BACH1: variants seen among roughly 807,000 people sequenced by gnomAD.
BACH1 encodes the protein BTB domain and CNC homolog 1.
In BACH1, 35 loss-of-function variants were observed where a neutral mutation model predicts 52.9. The ratio of observed to expected loss-of-function variants is 0.66; its 90% confidence interval spans 0.51 to 0.88. BACH1 has a LOEUF of 0.88. BACH1 is among the 40% of genes least tolerant of loss of function. BACH1 has a pLI of 0.00. For synonymous variants in BACH1, 321 were observed against 319.6 expected, an observed-to-expected ratio of 1.00 and a Z score of -0.05; for missense variants, 808 against 872.6, an observed-to-expected ratio of 0.93 and a Z score of 0.93.
intron 1 of BACH1, chr21:29,300,308 G>T (rs1297592576): frequency 6.6e-6 from 1 of 152,222 alleles, no homozygotes; most frequent in Non-Finnish European, 1.5e-5. Flanking sequence ...TCTCTAAAAA[G>T]TTGGGTTGCT....
chr21:29,304,114 C>T (rs1355893581), intron 1 of BACH1, among the ~76,000 whole-genome samples: 1 of 151,632 alleles, frequency 6.6e-6, no homozygotes, highest in African/African-American at 2.4e-5. Flanking sequence ...ACTAGTTATT[C>T]CCAGTTTTTT....
At chr21:29,311,682 A>G (rs1035960457) in intron 1 of BACH1, among the ~76,000 whole-genome samples, 3 of 152,032 alleles carry the variant, frequency 2.0e-5, no homozygotes, top group South Asian at 2.1e-4. Flanking sequence ...TTCCACTTCT[A>G]CTGTTGATCA....
At chr21:29,311,384 A>C (rs2088719649) in intron 1 of BACH1, among the ~76,000 whole-genome samples, 1 of 152,058 alleles carries the variant, frequency 6.6e-6, no homozygotes, top group Non-Finnish European at 1.5e-5. Context: ...TAAACATTTT[A>C]AGTTTGTGTT....
intron 2 of BACH1, chr21:29,351,901 A>C (rs1363579107): frequency 2.6e-6 from 1 of 380,654 alleles, no homozygotes; most frequent in Non-Finnish European, 5.2e-6. Context: ...CAGCATACTT[A>C]AAATAGGTTG....
intron 4 of BACH1, among the ~76,000 whole-genome samples, chr21:29,337,895 C>T (rs1365152930): frequency 1.3e-5 from 2 of 152,020 alleles, no homozygotes; most frequent in Non-Finnish European, 2.9e-5. Context: ...TGCCATTGCA[C>T]TCCAGCCTGG....
intron 4 of BACH1, among the ~76,000 whole-genome samples, chr21:29,334,144 C>T (rs1345287438): frequency 4.0e-5 from 6 of 148,588 alleles, no homozygotes; most frequent in Admixed American, 1.4e-4. Context: ...TCGCTCTTTT[C>T]GCCCAGGCTG....
At chr21:29,354,492 C>G (rs959809964) in intron 2 of BACH1, among the ~76,000 whole-genome samples, 2 of 151,954 alleles carry the variant, frequency 1.3e-5, no homozygotes, top group South Asian at 4.1e-4. Context: ...TGGACTGGAC[C>G]AGGGATGTGT....
At chr21:29,337,657 C>CTT (rs2089060097) in intron 4 of BACH1, among the ~76,000 whole-genome samples, 1 of 152,078 alleles carries the variant, frequency 6.6e-6, no homozygotes, top group African/African-American at 2.4e-5. Context: ...AATGAGAACA[C>CTT]TTGGACACAG....
At chr21:29,316,263 G>A (rs1056159294) in intron 1 of BACH1, among the ~76,000 whole-genome samples, 2 of 152,034 alleles carry the variant, frequency 1.3e-5, no homozygotes, top group Admixed American at 6.6e-5. Context: ...GATTTTGAAA[G>A]CAAAAATGTC....
At chr21:29,342,361 A>G in intron 4 of BACH1, 38 bp from the exon 5 acceptor site, 1 of 1,561,802 alleles carries the variant, frequency 6.4e-7, no homozygotes, top group South Asian at 1.2e-5. Context: ...TTGAGCTAAT[A>G]AACACAAGCC....
chr21:29,326,975 G>C lies in BACH1; in HGVS notation c.1151G>C (p.Ser384Thr), dbSNP rs2088920649. The C allele has an allele frequency of 6.2e-7, 1 of 1,614,224 alleles. No individual in the cohort carries two copies. ...GTREDSSVASSDRSSVEREVA... is the reference protein window; with the variant it reads ...GTREDSSVASTDRSSVEREVA... ...AGGGAAGATAGTAGTGTTGCATCTA[G>C]TGATAGGAGTAGTGTGGAGCGAGAA... is the stretch of plus-strand genomic sequence containing the variant. The change falls in exon 3 of 5, where the codon AGT (serine) becomes ACT (threonine). Residue 384 changes from serine to threonine, a missense_variant. Coordinates refer to ENST00000286800, the MANE Select transcript of BACH1 (RefSeq NM_001186.4).
intron 1 of BACH1, among the ~76,000 whole-genome samples, chr21:29,316,421 C>G (rs1465645377): frequency 1.3e-5 from 2 of 152,130 alleles, no homozygotes; most frequent in African/African-American, 2.4e-5. Flanking sequence ...GGTCAGCAAA[C>G]TTTTATTTTG....
At chr21:29,306,861 A>T (rs2123407838) in intron 1 of BACH1, among the ~76,000 whole-genome samples, 1 of 152,358 alleles carries the variant, frequency 6.6e-6, no homozygotes, top group East Asian at 1.9e-4. Context: ...TTTAAAAATT[A>T]TTTAAAAATT....
intron 2 of BACH1, among the ~76,000 whole-genome samples, chr21:29,325,708 G>A (rs2088901994): frequency 6.6e-6 from 1 of 152,156 alleles, no homozygotes; most frequent in Non-Finnish European, 1.5e-5. Flanking sequence ...CTCACTATGT[G>A]TGGCAGGTAG....
downstream of BACH1, among the ~76,000 whole-genome samples, chr21:29,346,404 G>T (rs2089168476): frequency 6.6e-6 from 1 of 152,188 alleles, no homozygotes; most frequent in South Asian, 2.1e-4. Context: ...ATCTCTATCA[G>T]TCATTAAGTT....
At chr21:29,311,432 G>T (rs556773643) in intron 1 of BACH1, among the ~76,000 whole-genome samples, 6 of 152,054 alleles carry the variant, frequency 3.9e-5, no homozygotes, top group African/African-American at 1.4e-4. Flanking sequence ...TTGTTTGTTT[G>T]TTTTTTTAAG....
At chr21:29,300,421 G>A (rs142849838) in intron 1 of BACH1, among the ~76,000 whole-genome samples, 69 of 152,288 alleles carry the variant, frequency 4.5e-4, no homozygotes, top group African/African-American at 1.6e-3. Context: ...TAGAGAGGTT[G>A]CTTCAGAAGG....
intron 4 of BACH1, among the ~76,000 whole-genome samples, chr21:29,330,881 A>G (rs1490919492): frequency 6.6e-6 from 1 of 151,780 alleles, no homozygotes. Flanking sequence ...TCATAACTAT[A>G]TTAAAGAGAT....
At chr21:29,303,636 T>C (rs553065566) in intron 1 of BACH1, among the ~76,000 whole-genome samples, 1 of 152,334 alleles carries the variant, frequency 6.6e-6, no homozygotes, top group East Asian at 1.9e-4. Flanking sequence ...CTAGTTCATC[T>C]CCTAAGATAG....
Sources: gnomAD v4.1 joint callset for allele counts (sites outside exome capture counted in the v4.1 genomes callset) on GRCh38, gnomAD v4.1.1 for gene constraint, MANE v1.5 for transcripts, NCBI Gene and HGNC (gene_info 2026-07-23, HGNC 2026-07-21) for gene names.